The following CADM1 variants were observed in gnomAD, a reference collection of about 807,000 sequenced individuals.
CADM1 encodes TSLC-1.
A neutral mutation model predicts 53.1 loss-of-function variants in CADM1; 15 were observed. That is an observed-to-expected ratio of 0.28 (90% CI 0.19 to 0.44). The LOEUF (loss-of-function observed/expected upper bound fraction) is 0.44. Among genes scored for constraint, CADM1 ranks in the 20% least tolerant of loss-of-function variants. The probability of loss-of-function intolerance (pLI) is 1.00; values close to 1 mark genes in which losing one functional copy is unlikely to be tolerated. For synonymous variants in CADM1, 281 were observed against 243.0 expected, an observed-to-expected ratio of 1.16 and a Z score of -1.45; for missense variants, 434 against 611.3, an observed-to-expected ratio of 0.71 and a Z score of 3.06.
intron 1 of CADM1, among the ~76,000 whole-genome samples, chr11:115,465,612 A>G (rs1948883282): frequency 6.6e-6 from 1 of 152,178 alleles, no homozygotes; most frequent in African/African-American, 2.4e-5. Flanking sequence ...TATTATCCCC[A>G]TTTTACAGAC....
At chr11:115,347,600 G>A (rs1473534748) in intron 1 of CADM1, among the ~76,000 whole-genome samples, 2 of 152,108 alleles carry the variant, frequency 1.3e-5, no homozygotes, top group Non-Finnish European at 2.9e-5. Flanking sequence ...CATGCAAGAA[G>A]ATAAGATTTT....
At chr11:115,333,601 A>G (rs1360181186) in intron 1 of CADM1, 1 of 152,162 alleles carries the variant, frequency 6.6e-6, no homozygotes, top group Admixed American at 6.5e-5. Flanking sequence ...GACAATCTTG[A>G]CCAACAACCT....
In CADM1 at chr11:115,180,992, CACAAGAG is replaced by C. The variant is rs1417065956; in HGVS notation, c.1166-2224_1166-2218del. 2.6e-5 allele frequency among the ~76,000 whole-genome samples: 4 copies of C among 152,198 alleles called. No individual in the cohort carries two copies. The East Asian group carries it at 7.7e-4, about 29-fold the overall frequency. On this transcript the variant is annotated intron_variant, in intron 10 of 11. Coordinates refer to ENST00000331581, the MANE Select transcript of CADM1 (RefSeq NM_001301043.2). ...ACATTGAGGACAGGGGAAAGTTAGGCACAAGAGGCAAGAGGTGAAGAGAGGTTCCAGG... is the reference window on the plus strand; with the variant it reads ...ACATTGAGGACAGGGGAAAGTTAGGCGCAAGAGGTGAAGAGAGGTTCCAGG...
At chr11:115,176,721 A>T (rs1177191012) in intron 11 of CADM1, 129 bp from the exon 12 acceptor site, 1 of 816,650 alleles carries the variant, frequency 1.2e-6, no homozygotes, top group Non-Finnish European at 2.1e-6. Flanking sequence ...GGAAAAAACA[A>T]TTGGAAGAAG....
In CADM1 at chr11:115,175,102, A is replaced by G. The variant is rs546254273; in HGVS notation, c.*1372T>C. The G allele has an allele frequency of 1.0e-6, 1 of 985,864 alleles. No homozygotes were observed. Among genetic ancestry groups the G allele is most frequent in the South Asian group, 4.7e-5 (1 of 21,286 alleles). 61.1% of individuals were successfully genotyped at this position (985,864 alleles called of 1,614,324 possible). ...GCTAGTGTATGAAAGGTAAAAAGAT[A>G]AAAACACTCACATTTGAGTTTTGAT... On this transcript the variant is annotated 3_prime_UTR_variant, in exon 12 of 12. Transcript: ENST00000331581.
At chr11:115,486,267 C>CAT (rs1949370931) in intron 1 of CADM1, among the ~76,000 whole-genome samples, 1 of 152,186 alleles carries the variant, frequency 6.6e-6, no homozygotes, top group Non-Finnish European at 1.5e-5. Flanking sequence ...TTGCAGGATT[C>CAT]ATATTCCTAA....
In CADM1 at chr11:115,178,657, A is replaced by G; in HGVS notation, c.1284T>C (p.Phe428=). 6.2e-7 allele frequency: 1 copy of G among 1,613,318 alleles called. No homozygotes were observed. Among genetic ancestry groups the G allele is most frequent in the Non-Finnish European group, 8.5e-7 (1 of 1,179,982 alleles). Residue 428 remains phenylalanine, a synonymous_variant, in exon 11 of 12, where the codon TTT becomes TTC. Transcript: ENST00000331581. ...LCLLIILGRY[F]ARHKGTYFTH... ...AGCTTTGCTTACCTTTATGTCTGGC[A>G]AAATAGCGCCCCAGAATGATGAGCA...
At chr11:115,499,610 C>A (rs1949689703) in intron 1 of CADM1, among the ~76,000 whole-genome samples, 1 of 152,228 alleles carries the variant, frequency 6.6e-6, no homozygotes, top group Admixed American at 6.5e-5. Flanking sequence ...TGCCAGGAGG[C>A]GGAACAGAAG....
intron 1 of CADM1, among the ~76,000 whole-genome samples, chr11:115,476,731 T>C (rs934948786): frequency 1.3e-5 from 2 of 152,200 alleles, no homozygotes; most frequent in African/African-American, 4.8e-5. Context: ...AAAACTCTCC[T>C]GGAAGAACGA....
chr11:115,186,442 C>T (rs992907047), intron 10 of CADM1, among the ~76,000 whole-genome samples: 2 of 152,090 alleles, frequency 1.3e-5, no homozygotes, highest in African/African-American at 2.4e-5. Context: ...CCCGGGTGCG[C>T]ACAGTGAATT....
At chr11:115,228,103 G>C (rs777332672) in intron 5 of CADM1, among the ~76,000 whole-genome samples, 2 of 152,210 alleles carry the variant, frequency 1.3e-5, no homozygotes, top group Non-Finnish European at 2.9e-5. Flanking sequence ...TGAAGGCAGA[G>C]AGTGGAGTGG....
intron 1 of CADM1, among the ~76,000 whole-genome samples, chr11:115,282,968 C>T (rs1943628365): frequency 6.6e-6 from 1 of 152,038 alleles, no homozygotes; most frequent in Admixed American, 6.6e-5. Context: ...GCAAATGGCC[C>T]CATGAATCCA....
At chr11:115,248,789 A>G (rs551405432) in intron 1 of CADM1, among the ~76,000 whole-genome samples, 13 of 152,208 alleles carry the variant, frequency 8.5e-5, no homozygotes, top group Non-Finnish European at 1.5e-4. Context: ...GAACTAAAAG[A>G]GAGAGAAAAA....
chr11:115,407,036 G>A (rs575944070), intron 1 of CADM1, among the ~76,000 whole-genome samples: 85 of 152,030 alleles, frequency 5.6e-4, no homozygotes, highest in Admixed American at 1.0e-3. Context: ...ATCTAGTGTC[G>A]GGTGTATGTA....
chr11:115,210,584 G>C (rs1292938509), intron 7 of CADM1, among the ~76,000 whole-genome samples: 1 of 152,186 alleles, frequency 6.6e-6, no homozygotes, highest in East Asian at 1.9e-4. Context: ...GCAAGACTTT[G>C]AACTAAGCAA....
intron 1 of CADM1, among the ~76,000 whole-genome samples, chr11:115,328,654 T>C (rs981367064): frequency 4.1e-4 from 39 of 95,972 alleles, no homozygotes; most frequent in South Asian, 7.7e-4. Context: ...AATATATATA[T>C]ACACACGCAC....
rs1188605841 is a variant in CADM1, at chr11:115,245,135, G to C, written c.125-4715C>G. 2.0e-5 allele frequency among the ~76,000 whole-genome samples: 3 copies of C among 152,120 alleles called. No individual in the cohort carries two copies. In the East Asian group the frequency reaches 5.8e-4, roughly 29 times the overall value. The stretch of plus-strand genomic sequence containing the variant: ...AAGGAGCACCAGCGACTCTTCACAG[G>C]GAAGACAGTTTGCCCAGAGAAAGGG... On this transcript the variant is annotated intron_variant, in intron 1 of 11. Coordinates refer to ENST00000331581, the MANE Select transcript of CADM1 (RefSeq NM_001301043.2).
chr11:115,338,504 C>A (rs924679678), intron 1 of CADM1, among the ~76,000 whole-genome samples: 1 of 152,032 alleles, frequency 6.6e-6, no homozygotes, highest in Non-Finnish European at 1.5e-5. Flanking sequence ...TCTATTTTAC[C>A]TTGAATTTAC....
chr11:115,418,659 C>A (rs1247037802), intron 1 of CADM1, among the ~76,000 whole-genome samples: 1 of 152,090 alleles, frequency 6.6e-6, no homozygotes, highest in Non-Finnish European at 1.5e-5. Context: ...TAGCCCAAAC[C>A]CCAATGTTTG....
Sources: gnomAD v4.1 joint callset for allele counts (sites outside exome capture counted in the v4.1 genomes callset) on GRCh38, gnomAD v4.1.1 for gene constraint, MANE v1.5 for transcripts, NCBI Gene and HGNC (gene_info 2026-07-23, HGNC 2026-07-21) for gene names.